Variants in NFILZ observed in about 807,000 individuals in gnomAD.
The protein encoded by NFILZ is NFIL3 like basic leucine zipper, also known as NFIL3 like protein.
chr19:8,678,350 A>C lies in NFILZ; in HGVS notation c.*715A>C, dbSNP rs1474897367. Among the ~76,000 whole-genome samples the C allele has an allele frequency of 6.7e-6, 1 of 148,744 alleles. No homozygotes were observed. The highest frequency in any genetic ancestry group is 1.5e-5 in the Non-Finnish European group (1 of 67,146). On this transcript the variant is annotated 3_prime_UTR_variant, in exon 6 of 6. Coordinates refer to ENST00000691075, the MANE Select transcript of NFILZ (RefSeq NM_001378600.1). ...GCCATCCATTCTCATTCATCCATGCATTTGTTTTTCCTTCTATCTATCCAT... is the reference window on the plus strand; with the variant it reads ...GCCATCCATTCTCATTCATCCATGCCTTTGTTTTTCCTTCTATCTATCCAT...
intron 3 of NFILZ, among the ~76,000 whole-genome samples, chr19:8,652,821 CTTCT>C (rs1271062759): frequency 3.4e-5 from 5 of 147,260 alleles, no homozygotes; most frequent in Non-Finnish European, 6.0e-5. Context: ...CTCTCTCTCT[CTTCT>C]TTCTCACTTT....
At position 8,678,055 on chromosome 19, in the gene NFILZ, C is replaced by CCATCCAT. The variant is rs1600158052; in HGVS notation, c.*421_*422insATCCATC. 0.023 allele frequency among the ~76,000 whole-genome samples: 959 copies of CCATCCAT among 41,962 alleles called. 21 individuals carry two copies. The highest frequency in any genetic ancestry group is 0.046 in the African/African-American group (478 of 10,406). The allele number at this position is 41,962 out of a possible 152,430, so 27.5% of individuals were successfully genotyped here. A position where few individuals can be genotyped will look rare whatever the true frequency, so the allele number is the denominator to read the frequency against. Reference sequence around the variant, plus strand: ...ATCCATCCATCCATCCATCCATCCACCCATCTATTCATCCATCCATCAATC... The same window carrying CCATCCAT: ...ATCCATCCATCCATCCATCCATCCACCATCCATCCATCTATTCATCCATCCATCAATC... On this transcript the variant is annotated 3_prime_UTR_variant, in exon 6 of 6. Transcript: ENST00000691075.
chr19:8,677,961 T>G lies in NFILZ; in HGVS notation c.*326T>G. 6.6e-6 allele frequency among the ~76,000 whole-genome samples: 1 copy of G among 151,838 alleles called. No homozygotes were observed. Among genetic ancestry groups the G allele is most frequent in the Non-Finnish European group, 1.5e-5 (1 of 67,960 alleles). On this transcript the variant is annotated 3_prime_UTR_variant, in exon 6 of 6. Transcript: ENST00000691075. ...ATCCATTCATCCATTCATCCTCATTTATTCATCCATTCATTCATTCATCAA... is the reference window on the plus strand; with the variant it reads ...ATCCATTCATCCATTCATCCTCATTGATTCATCCATTCATTCATTCATCAA...
At chr19:8,676,075 T>C (rs948442428) in intron 4 of NFILZ, among the ~76,000 whole-genome samples, 1 of 151,590 alleles carries the variant, frequency 6.6e-6, no homozygotes, top group East Asian at 1.9e-4. Context: ...GGGAGATGGG[T>C]TTGAGTGAAT....
rs1230446931 is a variant in NFILZ at position 8,680,419 on chromosome 19, T to C, written c.*2784T>C. Among the ~76,000 whole-genome samples the C allele has an allele frequency of 6.6e-6, 1 of 152,174 alleles. No individual in the cohort carries two copies. Among genetic ancestry groups the C allele is most frequent in the Non-Finnish European group, 1.5e-5 (1 of 68,044 alleles). On this transcript the variant is annotated 3_prime_UTR_variant, in exon 6 of 6. Coordinates refer to ENST00000691075, the MANE Select transcript of NFILZ (RefSeq NM_001378600.1). ...TCAAGGCATGTTTTGTTGTAAAAAG[T>C]CTGAAAATCATATGCAGCCGAGTTG...
At chr19:8,665,495 G>T (rs553104835) in intron 3 of NFILZ, among the ~76,000 whole-genome samples, 2 of 152,210 alleles carry the variant, frequency 1.3e-5, no homozygotes, top group South Asian at 4.2e-4. Flanking sequence ...GTCCAAATTT[G>T]TTTTGTATTT....
intron 3 of NFILZ, among the ~76,000 whole-genome samples, chr19:8,667,072 C>G (rs548691460): frequency 5.0e-4 from 76 of 152,168 alleles, no homozygotes; most frequent in African/African-American, 1.8e-3. Flanking sequence ...TCTCTACCCA[C>G]TGTCCCACCC....
At position 8,656,289 on chromosome 19, in the gene NFILZ, C is replaced by CCTCTTCCCTGA. The variant is rs1212956882; in HGVS notation, c.-163-18262_-163-18261insCTCTTCCCTGA. 1.8e-3 allele frequency among the ~76,000 whole-genome samples: 59 copies of CCTCTTCCCTGA among 33,002 alleles called. 7 individuals are homozygous for CCTCTTCCCTGA. Among genetic ancestry groups the CCTCTTCCCTGA allele is most frequent in the Non-Finnish European group, 3.5e-3 (47 of 13,456 alleles). 21.7% of individuals were successfully genotyped at this position (33,002 alleles called of 152,430 possible). On this transcript the variant is annotated intron_variant, in intron 3 of 5. Coordinates refer to ENST00000691075, the MANE Select transcript of NFILZ (RefSeq NM_001378600.1). ...CTCTCTGAAGCCCACCTTCTCCCCA[C>CCTCTTCCCTGA]AGCCCACCTCCTCCCGCAGCGCACC...
At chr19:8,656,336 T>TCTGAAGCCACCTCTTC (rs2042996138) in intron 3 of NFILZ, among the ~76,000 whole-genome samples, 1 of 44,498 alleles carries the variant, frequency 2.2e-5, no homozygotes, top group Non-Finnish European at 4.7e-5. Flanking sequence ...GCCCCCTTCT[T>TCTGAAGCCACCTCTTC]CCTGAAGCCC....
At chr19:8,633,888 T>TTCCTTCCTTCCG in intron 2 of NFILZ, among the ~76,000 whole-genome samples, 1 of 104,180 alleles carries the variant, frequency 9.6e-6, no homozygotes, top group Non-Finnish European at 2.1e-5. Context: ...CCTTCCTTCC[T>TTCCTTCCTTCCG]TCCTTCCTTC....
At chr19:8,636,232 G>A (rs908486450) in intron 3 of NFILZ, among the ~76,000 whole-genome samples, 4 of 151,360 alleles carry the variant, frequency 2.6e-5, no homozygotes, top group Non-Finnish European at 5.9e-5. Flanking sequence ...GGTGAATCAC[G>A]GGGTCAGGAG....
chr19:8,650,452 T>C (rs2042960197), intron 3 of NFILZ, among the ~76,000 whole-genome samples: 1 of 151,842 alleles, frequency 6.6e-6, no homozygotes, highest in African/African-American at 2.4e-5. Context: ...GTCAGGAGTT[T>C]GAGACCAGCC....
chr19:8,648,071 G>A (rs1231105745), intron 3 of NFILZ, among the ~76,000 whole-genome samples: 1 of 149,930 alleles, frequency 6.7e-6, no homozygotes, highest in African/African-American at 2.4e-5. Flanking sequence ...CTACTTGGGA[G>A]GCTGAGGCAG....
intron 3 of NFILZ, among the ~76,000 whole-genome samples, chr19:8,673,048 G>A (rs2146172658): frequency 6.6e-6 from 1 of 152,244 alleles, no homozygotes; most frequent in African/African-American, 2.4e-5. Flanking sequence ...GGAGAGAGGG[G>A]TGGATGCAAC....
Position 8,678,107 on chromosome 19 carries a change from A to ACTTG in NFILZ, c.*472_*473insCTTG, listed in dbSNP as rs2043123977. ...ATCCATCCATTCCATCCATCCATCC[A>ACTTG]TCCATCCATCCATCCATCCCTCCAT... On this transcript the variant is annotated 3_prime_UTR_variant, in exon 6 of 6. Coordinates refer to ENST00000691075, the MANE Select transcript of NFILZ (RefSeq NM_001378600.1). 7.2e-5 allele frequency among the ~76,000 whole-genome samples: 7 copies of ACTTG among 97,840 alleles called. No homozygotes were observed. Among genetic ancestry groups the ACTTG allele is most frequent in the African/African-American group, 1.7e-4 (4 of 23,468 alleles). The allele number at this position is 97,840 out of a possible 152,430, so 64.2% of individuals were successfully genotyped here.
At chr19:8,656,218 C>T (rs1376386091) in intron 3 of NFILZ, among the ~76,000 whole-genome samples, 2 of 147,476 alleles carry the variant, frequency 1.4e-5, no homozygotes, top group African/African-American at 5.1e-5. Flanking sequence ...CCCTGCAGCC[C>T]ACCTTCTCCC....
intron 3 of NFILZ, among the ~76,000 whole-genome samples, chr19:8,664,708 G>A (rs944593348): frequency 6.6e-6 from 1 of 152,064 alleles, no homozygotes; most frequent in African/African-American, 2.4e-5. Context: ...GCCCAGGGCC[G>A]TGGGAATAGC....
At chr19:8,666,492 A>G (rs1403611457) in intron 3 of NFILZ, among the ~76,000 whole-genome samples, 1 of 151,844 alleles carries the variant, frequency 6.6e-6, no homozygotes, top group Non-Finnish European at 1.5e-5. Context: ...GGTATCTTAT[A>G]TCTTATAGAC....
At chr19:8,663,050 C>T (rs534523899) in intron 3 of NFILZ, among the ~76,000 whole-genome samples, 20 of 151,552 alleles carry the variant, frequency 1.3e-4, no homozygotes, top group Non-Finnish European at 2.1e-4. Context: ...TGGGCTCAAG[C>T]GATCCTCACG....
Sources: allele counts gnomAD v4.1 joint callset (sites outside exome capture counted in the v4.1 genomes callset), GRCh38; gene constraint gnomAD v4.1.1; transcripts MANE v1.5; gene names NCBI Gene and HGNC (gene_info 2026-07-23, HGNC 2026-07-21).